The following GABBR1 variants were observed in gnomAD, a reference collection of about 807,000 sequenced individuals.
GABBR1 encodes the protein gamma-aminobutyric acid type B receptor subunit 1, also known as GABA-B receptor, R1 subunit.
Under a neutral mutation model 117.7 loss-of-function variants are expected in GABBR1, and 35 were observed. The ratio of observed to expected loss-of-function variants is 0.30; its 90% CI spans 0.23 to 0.39. GABBR1 has a LOEUF of 0.39. GABBR1 is among the 10% of genes least tolerant of loss of function. The pLI, the probability that GABBR1 is intolerant of heterozygous loss-of-function variation, is 1.00. For synonymous variants in GABBR1, 442 were observed against 486.6 expected, an observed-to-expected ratio of 0.91 and a Z score of 1.21; for missense variants, 709 against 1,241.8, an observed-to-expected ratio of 0.57 and a Z score of 6.45.
rs1212984190 is a variant in GABBR1 at position 29,605,681 on chromosome 6, T to G, written c.2327A>C (p.Tyr776Ser). 15 of 1,612,828 alleles carry G rather than the reference T, an allele frequency of 9.3e-6. No individual in the cohort carries two copies. Among genetic ancestry groups the G allele is most frequent in the Non-Finnish European group, 1.3e-5 (15 of 1,180,024 alleles). ...MNTWLGIFYG[Y>S]KGLLLLLGIF... is the part of the protein sequence containing the mutation. The stretch of plus-strand genomic sequence containing the variant: ...TCCCAGCAGCAGCAGCAGCCCCTTG[T>G]AACCATAGAAAATGCCTAGGATGGC... The change falls in exon 20 of 23, where the codon TAC becomes TCC. Residue 776 changes from tyrosine (Y) to serine (S), a missense_variant. Tyr to Ser is a moderately radical substitution (Grantham distance 144). Transcript: ENST00000377034. The surrounding 1 kb of genome is among the most constrained non-coding windows in gnomAD (Gnocchi z 4.2).
At position 29,607,834 on chromosome 6, in the gene GABBR1, G is replaced by A. The variant is rs906857082; in HGVS notation, c.1993-616C>T. Among the ~76,000 whole-genome samples the A allele has an allele frequency of 2.0e-5, 3 of 152,272 alleles. No individual in the cohort carries two copies. The highest frequency in any genetic ancestry group is 2.9e-5 in the Non-Finnish European group (2 of 68,018). On this transcript the variant is annotated intron_variant, in intron 16 of 22. Transcript: ENST00000377034. The surrounding 1 kb of genome is among the most constrained non-coding windows in gnomAD (Gnocchi z 5.0). The stretch of plus-strand genomic sequence containing the variant: ...CCCTTCTTTGCCCCCAAAGCACTTT[G>A]TGCAGATCCCTACTCTGGAACCTCT...
rs1761819357 is a variant in GABBR1 at position 29,605,142 on chromosome 6, T to C, written c.2440-154A>G. 3.6e-6 allele frequency: 3 copies of C among 827,132 alleles called. No individual in the cohort carries two copies. Among genetic ancestry groups the C allele is most frequent in the Non-Finnish European group, 3.6e-6 (2 of 549,278 alleles). 51.2% of individuals were successfully genotyped at this position (827,132 alleles called of 1,614,324 possible). On this transcript the variant is annotated intron_variant, in intron 20 of 22. Transcript: ENST00000377034. The surrounding 1 kb of genome is among the most constrained non-coding windows in gnomAD (Gnocchi z 4.2). ...ATTCAGGATCATCCTCAAATATAGA[T>C]TGAGAAAAATCTCAAACTGTCCCAA...
Position 29,621,931 on chromosome 6 carries a change from G to C in GABBR1, c.1066-114C>G. The stretch of plus-strand genomic sequence containing the variant: ...CCCAAAGTGCTTAGTGCAGGGTAAC[G>C]CTCAACGTATAGTGAATAAACGTCA... On this transcript the variant is annotated intron_variant, in intron 9 of 22. Transcript: ENST00000377034. The surrounding 1 kb of genome is among the most constrained non-coding windows in gnomAD (Gnocchi z 5.0). The C allele has an allele frequency of 8.8e-7, 1 of 1,133,090 alleles. No homozygotes were observed. The highest frequency in any genetic ancestry group is 1.3e-5 in the South Asian group (1 of 77,332). The allele number at this position is 1,133,090 out of a possible 1,614,324, so 70.2% of individuals were successfully genotyped here.
rs957442593 is a variant in GABBR1 at position 29,623,970 on chromosome 6, T to C, written c.712A>G (p.Ile238Val). Residue 238 changes from isoleucine (I) to valine (V), a missense_variant, in exon 7 of 23, where the codon ATC becomes GTC. This residue lies in a region of GABBR1 where 192 missense variants were observed against 418.4 expected (regional missense o/e 0.46). Coordinates refer to ENST00000377034, the MANE Select transcript of GABBR1 (RefSeq NM_001470.4). The surrounding 1 kb of genome is among the most constrained non-coding windows in gnomAD (Gnocchi z 6.2). ...YLYELLYNDPIKIILMPGCSS... is the reference protein window; with the variant it reads ...YLYELLYNDPVKIILMPGCSS... ...CAGCCAGGCATAAGGATGATCTTGA[T>C]AGGGTCGTTGTAGAGCAGCTCATAT... The C allele has an allele frequency of 2.5e-6, 4 of 1,612,896 alleles. No individual in the cohort carries two copies. The highest frequency in any genetic ancestry group is 1.3e-5 in the African/African-American group (1 of 74,920).
intron 11 of GABBR1, among the ~76,000 whole-genome samples, chr6:29,616,800 T>C (rs1008154373): frequency 1.3e-5 from 2 of 149,564 alleles, no homozygotes; most frequent in Non-Finnish European, 3.0e-5. Context: ...GCTGCAGCGA[T>C]TGTACCACTG....
intron 11 of GABBR1, among the ~76,000 whole-genome samples, chr6:29,617,316 T>C (rs1226138514): frequency 6.9e-6 from 1 of 145,828 alleles, no homozygotes; most frequent in African/African-American, 2.5e-5. Context: ...TTTTTTTTTT[T>C]TTTTGAGATG....
At position 29,604,940 on chromosome 6, in the gene GABBR1, G is replaced by C; in HGVS notation, c.2488C>G (p.Gln830Glu). Residue 830 changes from glutamine to glutamate, a missense_variant, in exon 21 of 23, where the codon CAG becomes GAG. Coordinates refer to ENST00000377034, the MANE Select transcript of GABBR1 (RefSeq NM_001470.4). This position sits in a 1 kb window ranked among gnomAD's most constrained non-coding sequence, Gnocchi z 5.3. ...GAGGCAAAGGCAAAGGCTGCATCCT[G>C]CTGGCTGGACAGAATCATGGTGACA... ...APVTMILSSQ[Q>E]DAAFAFASLA... 6.2e-7 allele frequency: 1 copy of C among 1,613,094 alleles called. No homozygotes were observed. Among genetic ancestry groups the C allele is most frequent in the South Asian group, 1.1e-5 (1 of 91,070 alleles).
At chr6:29,612,774 C>T (rs1398779062) in intron 12 of GABBR1, among the ~76,000 whole-genome samples, 160 bp from the exon 13 acceptor site, 1 of 152,182 alleles carries the variant, frequency 6.6e-6, no homozygotes, top group Non-Finnish European at 1.5e-5. Flanking sequence ...CCCAGATGCC[C>T]ATACCCTAGA....
rs1001501666 is a variant in GABBR1, at chr6:29,623,932, G to A, written c.750C>T (p.Ser250=). The stretch of plus-strand genomic sequence containing the variant: ...TCCTAGCAGCCTCAGCCACCAGCGT[G>A]GAGACAGAGCTGCAGCCAGGCATAA... ...IILMPGCSSV[S]TLVAEAARMW... Residue 250 remains serine, a synonymous_variant, in exon 7 of 23, where the codon TCC becomes TCT. Transcript: ENST00000377034. The surrounding 1 kb of genome is among the most constrained non-coding windows in gnomAD (Gnocchi z 6.2). 3.4e-5 allele frequency: 55 copies of A among 1,612,906 alleles called. No homozygotes were observed. Among genetic ancestry groups the A allele is most frequent in the Non-Finnish European group, 4.7e-5 (55 of 1,180,016 alleles).
intron 11 of GABBR1, among the ~76,000 whole-genome samples, chr6:29,618,770 C>T (rs1381094563): frequency 6.6e-6 from 1 of 152,224 alleles, no homozygotes; most frequent in Non-Finnish European, 1.5e-5. Context: ...TAGGGTTTCT[C>T]ATTCTCTGCA....
chr6:29,618,979 CCTAA>C lies in GABBR1; in HGVS notation c.1323+2118_1323+2121del, dbSNP rs954655003. ...TAGGGTAGTAGTTGAAAACCACTAC[CCTAA>C]CTAATAGTTCTCGAGGTGTGATCCC... On this transcript the variant is annotated intron_variant, in intron 11 of 22. Transcript: ENST00000377034. 3.0e-4 allele frequency among the ~76,000 whole-genome samples: 45 copies of C among 152,218 alleles called. 1 individual carries two copies. Among genetic ancestry groups the C allele is most frequent in the African/African-American group, 1.1e-3 (44 of 41,506 alleles).
Position 29,603,473 on chromosome 6 carries a change from T to C in GABBR1, c.*70A>G, listed in dbSNP as rs1006818201. On this transcript the variant is annotated 3_prime_UTR_variant, in exon 23 of 23. Transcript: ENST00000377034. ...CCAGCTGGGGATGGGGACCCCCTGC[T>C]TCCTGAGTCCCCTGCCCTTCCCCTC... is the stretch of plus-strand genomic sequence containing the variant. 1 of 1,389,116 alleles carries C rather than the reference T, an allele frequency of 7.2e-7. No homozygotes were observed. Among genetic ancestry groups the C allele is most frequent in the South Asian group, 1.2e-5 (1 of 80,208 alleles). The allele number at this position is 1,389,116 out of a possible 1,614,324, so 86.0% of individuals were successfully genotyped here.
At chr6:29,615,996 G>A (rs1023983131) in intron 11 of GABBR1, among the ~76,000 whole-genome samples, 4 of 152,010 alleles carry the variant, frequency 2.6e-5, no homozygotes, top group African/African-American at 9.7e-5. Flanking sequence ...GAGGTCCGGA[G>A]TTCGAGACCA....
At position 29,605,509 on chromosome 6, in the gene GABBR1, C is replaced by T; in HGVS notation, c.2439+60G>A. 6.3e-7 allele frequency: 1 copy of T among 1,588,640 alleles called. No homozygotes were observed. Among genetic ancestry groups the T allele is most frequent in the Non-Finnish European group, 8.6e-7 (1 of 1,165,362 alleles). Reference sequence around the variant, plus strand: ...GATCTAGCATTGATTCTTCCTAGTCCTCTATATCTGGGCTGCTGTGGTCAG... The same window carrying T: ...GATCTAGCATTGATTCTTCCTAGTCTTCTATATCTGGGCTGCTGTGGTCAG... On this transcript the variant is annotated intron_variant, in intron 20 of 22. Transcript: ENST00000377034. The surrounding 1 kb of genome is among the most constrained non-coding windows in gnomAD (Gnocchi z 4.2).
chr6:29,619,546 G>C (rs896398574), intron 11 of GABBR1, among the ~76,000 whole-genome samples: 3 of 152,016 alleles, frequency 2.0e-5, no homozygotes, highest in Admixed American at 2.0e-4. Context: ...TTAGAGCTGG[G>C]GGTCTCACTA....
rs1462391469 is a variant in GABBR1 at position 29,622,073 on chromosome 6, A to G, written c.1065+31T>C. 6.3e-7 allele frequency: 1 copy of G among 1,583,710 alleles called. No individual in the cohort carries two copies. The highest frequency in any genetic ancestry group is 2.2e-5 in the East Asian group (1 of 44,756). On this transcript the variant is annotated intron_variant, in intron 9 of 22. Transcript: ENST00000377034. The surrounding 1 kb of genome is among the most constrained non-coding windows in gnomAD (Gnocchi z 4.6). The stretch of plus-strand genomic sequence containing the variant: ...CTGTCCCCCAGCTTGGTCCCTCCGT[A>G]AACAGAGCCCACCACTCCCAGCCAT...
chr6:29,616,057 C>T (rs1450033065), intron 11 of GABBR1, among the ~76,000 whole-genome samples: 2 of 151,996 alleles, frequency 1.3e-5, no homozygotes, highest in Non-Finnish European at 1.5e-5. Context: ...CAAAATTAGC[C>T]GGGTGTGGTG....
Position 29,630,449 on chromosome 6 carries a change from T to TC in GABBR1, c.475+8dup. 1 of 1,607,922 alleles carries TC rather than the reference T, an allele frequency of 6.2e-7. No homozygotes were observed. Among genetic ancestry groups the TC allele is most frequent in the Non-Finnish European group, 8.5e-7 (1 of 1,175,934 alleles). Reference sequence around the variant, plus strand: ...TCATCAGCTGCATGCAGGCAGCTGTTCCCCTCACCCTGGCAGTGGGGCTTG... The same window carrying TC: ...TCATCAGCTGCATGCAGGCAGCTGTTCCCCCTCACCCTGGCAGTGGGGCTTG... On this transcript the variant is annotated intron_variant, in intron 4 of 22. Coordinates refer to ENST00000377034, the MANE Select transcript of GABBR1 (RefSeq NM_001470.4). The surrounding 1 kb of genome is among the most constrained non-coding windows in gnomAD (Gnocchi z 4.9).
In GABBR1 at chr6:29,613,488, T is replaced by C; in HGVS notation, c.1324-3A>G. The C allele has an allele frequency of 6.2e-7, 1 of 1,611,206 alleles. No individual in the cohort carries two copies. The highest frequency in any genetic ancestry group is 8.5e-7 in the Non-Finnish European group (1 of 1,178,676). On this transcript the variant is annotated splice_polypyrimidine_tract_variant and splice_region_variant and intron_variant, in intron 11 of 22. Coordinates refer to ENST00000377034, the MANE Select transcript of GABBR1 (RefSeq NM_001470.4). The surrounding 1 kb of genome is among the most constrained non-coding windows in gnomAD (Gnocchi z 4.1). ...TTCTCCACAAATTCCTGGGATGTCT[T>C]GGGAGGAAAAAATCATGAGGAAAGA...
Sources: allele counts gnomAD v4.1 joint callset (sites outside exome capture counted in the v4.1 genomes callset), GRCh38; gene constraint gnomAD v4.1.1; regional missense constraint gnomAD v4.1.1; non-coding constraint Gnocchi (gnomAD v3.1); transcripts MANE v1.5; gene names NCBI Gene and HGNC (gene_info 2026-07-23, HGNC 2026-07-21).